The following MAST4 variants were observed in gnomAD, a reference collection of about 807,000 sequenced individuals.
MAST4 encodes microtubule associated serine/threonine kinase family member 4, also known as microtubule-associated serine/threonine-protein kinase 4.
Under a neutral mutation model 162.7 loss-of-function variants are expected in MAST4, and 89 were observed. That is an observed-to-expected ratio of 0.55 (90% CI 0.46 to 0.65). MAST4 has a LOEUF of 0.65. Ranked by LOEUF, MAST4 falls within the 30% of genes least tolerant of loss-of-function variation. The pLI, the probability that MAST4 is intolerant of heterozygous loss-of-function variation, is 0.00. For synonymous variants in MAST4, 1,479 were observed against 1,361.1 expected (o/e 1.09, Z -1.91); for missense variants, 3,153 against 3,374.0 (o/e 0.93, Z 1.62).
chr5:67,022,066 A>G (rs114758994), intron 4 of MAST4, among the ~76,000 whole-genome samples: 149 of 152,254 alleles, frequency 9.8e-4, no homozygotes, highest in Non-Finnish European at 1.7e-3. Flanking sequence ...TTCTGTATAT[A>G]CTTATCTGAA....
rs569537961 is a variant in MAST4, at chr5:66,916,370, C to T, written c.674+16388C>T. Reference sequence around the variant, plus strand: ...TTAAGCAAGTAGCCCCAAATGAACACAATGATGAGACTGGCATAGGCAAAG... The same window carrying T: ...TTAAGCAAGTAGCCCCAAATGAACATAATGATGAGACTGGCATAGGCAAAG... On this transcript the variant is annotated intron_variant, in intron 4 of 28. Coordinates refer to ENST00000403625, the MANE Select transcript of MAST4 (RefSeq NM_001164664.2). Among the ~76,000 whole-genome samples the T allele has an allele frequency of 1.7e-4, 26 of 152,264 alleles. No homozygotes were observed. In the South Asian group the frequency reaches 5.4e-3, roughly 32 times the overall value.
intron 4 of MAST4, among the ~76,000 whole-genome samples, chr5:66,903,354 G>A (rs1460357545): frequency 6.6e-6 from 1 of 151,404 alleles, no homozygotes; most frequent in Non-Finnish European, 1.5e-5. Flanking sequence ...TTTTGAAGTA[G>A]GATTCAAATT....
chr5:66,885,266 C>T (rs1761966468), intron 3 of MAST4, among the ~76,000 whole-genome samples: 1 of 152,138 alleles, frequency 6.6e-6, no homozygotes, highest in South Asian at 2.1e-4. Flanking sequence ...GATTTTCTCA[C>T]ACAGCATGTT....
At chr5:67,161,233 A>C (rs932007353) in intron 27 of MAST4, among the ~76,000 whole-genome samples, 3 of 152,098 alleles carry the variant, frequency 2.0e-5, no homozygotes, top group African/African-American at 7.2e-5. Flanking sequence ...TCTTTACTCA[A>C]TTGGGCCTGA....
At chr5:66,824,265 T>C (rs1757134363) in intron 3 of MAST4, among the ~76,000 whole-genome samples, 1 of 152,176 alleles carries the variant, frequency 6.6e-6, no homozygotes, top group Non-Finnish European at 1.5e-5. Flanking sequence ...GTATTGGAAA[T>C]CACATTCCTA....
chr5:67,012,737 A>G lies in MAST4; in HGVS notation c.675-41667A>G, dbSNP rs561511020. On this transcript the variant is annotated intron_variant, in intron 4 of 28. Transcript: ENST00000403625. ...CTGTCCTTATTTCCAGGCAGATAGAAAAAAAGAAAAGAAAAAAATTCCACT... is the reference window on the plus strand; with the variant it reads ...CTGTCCTTATTTCCAGGCAGATAGAGAAAAAGAAAAGAAAAAAATTCCACT... 3.3e-5 allele frequency among the ~76,000 whole-genome samples: 5 copies of G among 152,330 alleles called. No individual in the cohort carries two copies. In the South Asian group the frequency reaches 1.0e-3, roughly 32 times the overall value.
At chr5:66,861,138 TG>T in intron 3 of MAST4, among the ~76,000 whole-genome samples, 1 of 152,328 alleles carries the variant, frequency 6.6e-6, no homozygotes, top group Non-Finnish European at 1.5e-5. Flanking sequence ...TCGGTGAAGA[TG>T]GGGGATCCGA....
chr5:66,753,686 G>T (rs1460460049), intron 1 of MAST4, among the ~76,000 whole-genome samples: 1 of 151,152 alleles, frequency 6.6e-6, no homozygotes, highest in Non-Finnish European at 1.5e-5. Flanking sequence ...CAGAGTCCAG[G>T]ACCAGATGGA....
At chr5:66,712,019 A>G (rs573787895) in intron 1 of MAST4, among the ~76,000 whole-genome samples, 3 of 152,344 alleles carry the variant, frequency 2.0e-5, no homozygotes, top group South Asian at 4.1e-4. Flanking sequence ...TCAGATTGCC[A>G]TACCTGTTGT....
intron 2 of MAST4, among the ~76,000 whole-genome samples, chr5:66,782,958 C>A (rs1022782739): frequency 2.0e-5 from 3 of 152,194 alleles, no homozygotes; most frequent in African/African-American, 4.8e-5. Context: ...TCACTATCAA[C>A]TGTGTATCAT....
At chr5:66,839,883 T>C (rs1470593721) in intron 3 of MAST4, among the ~76,000 whole-genome samples, 1 of 152,014 alleles carries the variant, frequency 6.6e-6, no homozygotes, top group Non-Finnish European at 1.5e-5. Flanking sequence ...TACATTTTTA[T>C]CAGTTTTCTT....
chr5:66,821,173 G>T (rs1756975525), intron 3 of MAST4, among the ~76,000 whole-genome samples: 1 of 152,230 alleles, frequency 6.6e-6, no homozygotes, highest in Non-Finnish European at 1.5e-5. Flanking sequence ...GTGGGAAGGT[G>T]TTAGACCCTC....
Position 67,166,074 on chromosome 5 carries a change from G to T in MAST4, c.6895G>T (p.Glu2299Ter). ...TGGTGGGCGGCCCCTGGAGGTGCTG[G>T]AGAAGCCTGTGCATTTGCCAAGGCC... Reference protein sequence around the residue: ...TSGGRPLEVLEKPVHLPRPGH... With the variant: ...TSGGRPLEVL The change falls in exon 29 of 29, where the codon GAG (glutamate) becomes TAG (stop). Residue 2299 changes from glutamate (E) to a stop codon, truncating the protein, a stop_gained. Coordinates refer to ENST00000403625, the MANE Select transcript of MAST4 (RefSeq NM_001164664.2). LOFTEE classifies it low-confidence loss of function (END_TRUNC). 6.2e-7 allele frequency: 1 copy of T among 1,613,542 alleles called. No homozygotes were observed. Among genetic ancestry groups the T allele is most frequent in the East Asian group, 2.2e-5 (1 of 44,872 alleles).
intron 3 of MAST4, among the ~76,000 whole-genome samples, chr5:66,830,984 C>T (rs992992991): frequency 6.6e-6 from 1 of 152,142 alleles, no homozygotes; most frequent in Non-Finnish European, 1.5e-5. Context: ...CTGACACACC[C>T]TCTTGGTGTC....
intron 14 of MAST4, among the ~76,000 whole-genome samples, chr5:67,128,275 G>T (rs554445919): frequency 3.3e-5 from 5 of 152,254 alleles, no homozygotes; most frequent in Admixed American, 3.3e-4. Context: ...ACTCAAAATG[G>T]TGGGAGCCCA....
chr5:66,996,468 A>G (rs1750673750), intron 4 of MAST4, among the ~76,000 whole-genome samples: 1 of 152,278 alleles, frequency 6.6e-6, no homozygotes, highest in South Asian at 2.1e-4. Flanking sequence ...TCTGGTTACT[A>G]TAACAAATTA....
chr5:67,118,951 C>T (rs1322658943), intron 13 of MAST4, among the ~76,000 whole-genome samples: 1 of 152,124 alleles, frequency 6.6e-6, no homozygotes, highest in African/African-American at 2.4e-5. Context: ...TGTCCAGTCC[C>T]AGAAGATTTC....
intron 4 of MAST4, among the ~76,000 whole-genome samples, chr5:67,017,026 A>G (rs1194618703): frequency 1.3e-5 from 2 of 152,176 alleles, no homozygotes; most frequent in Non-Finnish European, 1.5e-5. Flanking sequence ...TGAAGGTGCT[A>G]TTGCTAACTG....
At chr5:66,996,970 A>T (rs1328784950) in intron 4 of MAST4, among the ~76,000 whole-genome samples, 1 of 152,174 alleles carries the variant, frequency 6.6e-6, no homozygotes, top group Non-Finnish European at 1.5e-5. Flanking sequence ...GTTTTCTAAA[A>T]TTCTATTTTG....
Sources: allele counts gnomAD v4.1 joint callset (sites outside exome capture counted in the v4.1 genomes callset), GRCh38; gene constraint gnomAD v4.1.1; transcripts MANE v1.5; gene names NCBI Gene and HGNC (gene_info 2026-07-23, HGNC 2026-07-21).